Variants in UBR3 observed in about 807,000 individuals in gnomAD.
The protein encoded by UBR3 is E3 ubiquitin-protein ligase UBR3.
UBR3 carries 85 observed loss-of-function variants against 243.2 expected under a neutral mutation model. That is an observed-to-expected ratio of 0.35 (90% confidence interval 0.29 to 0.42). UBR3 has a LOEUF of 0.42. UBR3 is among the 10% of genes least tolerant of loss of function. The pLI is 1.00. For synonymous variants in UBR3, 748 were observed against 799.8 expected, an observed-to-expected ratio of 0.94 and a Z score of 1.09; for missense variants, 1,686 against 2,300.8, an observed-to-expected ratio of 0.73 and a Z score of 5.47.
At chr2:170,024,995 T>C (rs758843297) in intron 30 of UBR3, among the ~76,000 whole-genome samples, 7 of 152,122 alleles carry the variant, frequency 4.6e-5, no homozygotes, top group Non-Finnish European at 8.8e-5. Context: ...GTAGGGCTGA[T>C]TAATTGGCCT....
intron 25 of UBR3, among the ~76,000 whole-genome samples, chr2:169,992,213 A>T (rs1189054312): frequency 6.6e-6 from 1 of 152,238 alleles, no homozygotes; most frequent in Non-Finnish European, 1.5e-5. Flanking sequence ...GGACCCAAGA[A>T]GTAATAAAAA....
intron 24 of UBR3, among the ~76,000 whole-genome samples, chr2:169,964,217 A>G (rs1351465629): frequency 6.6e-6 from 1 of 152,168 alleles, no homozygotes; most frequent in African/African-American, 2.4e-5. Context: ...TATATAGTCA[A>G]AGTTTTGTGC....
chr2:169,831,758 T>C (rs2081948825), intron 1 of UBR3, among the ~76,000 whole-genome samples: 1 of 152,212 alleles, frequency 6.6e-6, no homozygotes, highest in Admixed American at 6.5e-5. Flanking sequence ...AGTGTTCTCA[T>C]GGGCAAAGCT....
At chr2:170,000,863 CAGTT>C (rs2089669432) in intron 26 of UBR3, among the ~76,000 whole-genome samples, 3 of 152,140 alleles carry the variant, frequency 2.0e-5, no homozygotes, top group African/African-American at 7.2e-5. Context: ...CTGAGAAAAA[CAGTT>C]AAAGAGGCAG....
chr2:170,046,865 C>A (rs1195885561), intron 32 of UBR3, among the ~76,000 whole-genome samples: 1 of 151,682 alleles, frequency 6.6e-6, no homozygotes, highest in Non-Finnish European at 1.5e-5. Flanking sequence ...ATTATGAATT[C>A]TTGGATTTTA....
At chr2:169,993,335 CTT>C (rs896181069) in intron 25 of UBR3, among the ~76,000 whole-genome samples, 6 of 152,238 alleles carry the variant, frequency 3.9e-5, no homozygotes, top group Non-Finnish European at 7.4e-5. Context: ...CACATATACA[CTT>C]ATATCATTTT....
intron 11 of UBR3, among the ~76,000 whole-genome samples, chr2:169,915,376 G>A (rs149204096): frequency 1.8e-3 from 274 of 152,192 alleles, no homozygotes; most frequent in African/African-American, 6.2e-3. Flanking sequence ...TGGGATTACA[G>A]GTATGTGCCA....
intron 28 of UBR3, among the ~76,000 whole-genome samples, chr2:170,008,314 T>C (rs557785743): frequency 1.1e-3 from 167 of 152,346 alleles, no homozygotes; most frequent in Non-Finnish European, 1.5e-3. Context: ...ACTTTAAACC[T>C]AGATAGATTC....
At chr2:170,012,851 C>T (rs906324598) in intron 29 of UBR3, among the ~76,000 whole-genome samples, 1 of 151,906 alleles carries the variant, frequency 6.6e-6, no homozygotes, top group African/African-American at 2.4e-5. Flanking sequence ...AAATTATAGT[C>T]TAAAATAGAA....
intron 31 of UBR3, among the ~76,000 whole-genome samples, chr2:170,039,682 A>C (rs1156284163): frequency 6.6e-6 from 1 of 152,176 alleles, no homozygotes; most frequent in Non-Finnish European, 1.5e-5. Context: ...TGTTCATCCC[A>C]AGTCTAAAGT....
chr2:170,042,688 C>CAAA (rs59694680), intron 32 of UBR3, among the ~76,000 whole-genome samples: 47 of 91,400 alleles, frequency 5.1e-4, no homozygotes, highest in African/African-American at 7.0e-4. Flanking sequence ...TACTCTGCCT[C>CAAA]AAAAAAAAAA....
chr2:169,859,353 G>C (rs1342200091), intron 1 of UBR3, among the ~76,000 whole-genome samples: 1 of 152,144 alleles, frequency 6.6e-6, no homozygotes, highest in Non-Finnish European at 1.5e-5. Context: ...TTATAGGCGT[G>C]ACACACTGCA....
At chr2:169,986,474 ATC>A (rs1485818394) in intron 24 of UBR3, among the ~76,000 whole-genome samples, 169 bp from the exon 25 acceptor site, 6 of 152,300 alleles carry the variant, frequency 3.9e-5, no homozygotes, top group Non-Finnish European at 7.4e-5. Context: ...GCATTATTTT[ATC>A]TGTCTAAATA....
chr2:170,072,459 T>C (rs1369540617), intron 35 of UBR3, among the ~76,000 whole-genome samples: 2 of 151,752 alleles, frequency 1.3e-5, no homozygotes, highest in African/African-American at 4.9e-5. Context: ...CATTAGGAGA[T>C]ATACCTAATG....
At chr2:169,954,711 A>G (rs2105364897) in intron 23 of UBR3, among the ~76,000 whole-genome samples, 1 of 151,772 alleles carries the variant, frequency 6.6e-6, no homozygotes, top group African/African-American at 2.4e-5. Context: ...AGTAGCTGGG[A>G]TTACAGGTGC....
chr2:169,912,120 A>G (rs750906797), intron 10 of UBR3, among the ~76,000 whole-genome samples: 5 of 152,184 alleles, frequency 3.3e-5, no homozygotes, highest in Admixed American at 1.3e-4. Flanking sequence ...TATTTATATA[A>G]TTTACATAGG....
intron 10 of UBR3, among the ~76,000 whole-genome samples, chr2:169,908,572 G>A (rs1418923355): frequency 2.0e-5 from 3 of 152,126 alleles, no homozygotes; most frequent in Non-Finnish European, 1.5e-5. Context: ...CTCTCATAGG[G>A]GAGATAAATC....
At chr2:170,052,206 A>C (rs970873720) in intron 32 of UBR3, among the ~76,000 whole-genome samples, 1 of 152,148 alleles carries the variant, frequency 6.6e-6, no homozygotes, top group Admixed American at 6.6e-5. Flanking sequence ...AATTTCTGTC[A>C]TCTAAATATT....
intron 24 of UBR3, among the ~76,000 whole-genome samples, chr2:169,965,303 C>CA (rs1329796330): frequency 2.6e-5 from 4 of 152,156 alleles, no homozygotes; most frequent in Non-Finnish European, 4.4e-5. Flanking sequence ...TCCTCTCCCT[C>CA]ATTTGTCAAA....
Sources: gnomAD v4.1 joint callset for allele counts (sites outside exome capture counted in the v4.1 genomes callset) on GRCh38, gnomAD v4.1.1 for gene constraint, MANE v1.5 for transcripts, NCBI Gene and HGNC (gene_info 2026-07-23, HGNC 2026-07-21) for gene names.